Variants in GRID2 observed in about 807,000 individuals in gnomAD.
The protein encoded by GRID2 is glutamate ionotropic receptor delta type subunit 2.
In GRID2, 33 loss-of-function variants were observed where a neutral mutation model predicts 114.8. The observed-to-expected ratio is 0.29, with a 90% CI of 0.22 to 0.38. The LOEUF is 0.38. Among genes scored for constraint, GRID2 ranks in the 10% least tolerant of loss-of-function variants. The pLI, the probability that GRID2 is intolerant of heterozygous loss-of-function variation, is 1.00. For missense variants in GRID2, 1,184 were observed against 1,257.7 expected (o/e 0.94, Z 0.89); for synonymous variants, 505 against 449.9 (o/e 1.12, Z -1.55).
At chr4:93,383,903 G>A (rs902128591) in intron 8 of GRID2, among the ~76,000 whole-genome samples, 1 of 152,224 alleles carries the variant, frequency 6.6e-6, no homozygotes, top group Non-Finnish European at 1.5e-5. Context: ...CATTTTACTG[G>A]AGAAAACTCA....
In GRID2 at chr4:92,939,887, A is replaced by G. The variant is rs1198690887; in HGVS notation, c.245-145108A>G. 1.4e-5 allele frequency among the ~76,000 whole-genome samples: 2 copies of G among 146,544 alleles called. 1 individual carries two copies. Among genetic ancestry groups the G allele is most frequent in the Non-Finnish European group, 3.0e-5 (2 of 66,260 alleles). On this transcript the variant is annotated intron_variant, in intron 2 of 15. Transcript: ENST00000282020. ...GATCAGATAGTTGTAGATATGCAGCATTATTTCTGAGGGCTCTCTTCTGTT... is the reference window on the plus strand; with the variant it reads ...GATCAGATAGTTGTAGATATGCAGCGTTATTTCTGAGGGCTCTCTTCTGTT...
chr4:92,777,260 CAG>C (rs760897689), intron 2 of GRID2, among the ~76,000 whole-genome samples: 1 of 151,948 alleles, frequency 6.6e-6, no homozygotes, highest in African/African-American at 2.4e-5. Flanking sequence ...CCTGTGTAAA[CAG>C]AAATTTTTTA....
In GRID2 at chr4:93,451,516, G is replaced by A. The variant is rs530587014; in HGVS notation, c.1546-4146G>A. On this transcript the variant is annotated intron_variant, in intron 10 of 15. Coordinates refer to ENST00000282020, the MANE Select transcript of GRID2 (RefSeq NM_001510.4). ...AATATGTTGAAGCAGGTTGGGGATA[G>A]CCTACGTAAAGGTGTGTAGACCATG... 2.0e-5 allele frequency among the ~76,000 whole-genome samples: 3 copies of A among 152,212 alleles called. No homozygotes were observed. The South Asian group carries it at 6.2e-4, about 32-fold the overall frequency.
intron 8 of GRID2, among the ~76,000 whole-genome samples, chr4:93,359,142 T>A (rs1414604724): frequency 6.6e-6 from 1 of 152,150 alleles, no homozygotes; most frequent in African/African-American, 2.4e-5. Context: ...TTCATCCCTC[T>A]TTCAAATGTG....
chr4:93,431,841 A>G (rs2149380859), intron 10 of GRID2, among the ~76,000 whole-genome samples: 1 of 152,296 alleles, frequency 6.6e-6, no homozygotes, highest in African/African-American at 2.4e-5. Context: ...GTGAAGGATA[A>G]ATATCCTGGA....
At chr4:92,750,028 A>G (rs1315904336) in intron 2 of GRID2, among the ~76,000 whole-genome samples, 4 of 151,986 alleles carry the variant, frequency 2.6e-5, no homozygotes, top group Non-Finnish European at 5.9e-5. Context: ...AGCCCAGCTA[A>G]TTTGGTATTT....
At chr4:92,374,903 A>T (rs944482685) in intron 1 of GRID2, among the ~76,000 whole-genome samples, 2 of 152,168 alleles carry the variant, frequency 1.3e-5, no homozygotes, top group African/African-American at 4.8e-5. Flanking sequence ...TATCAATCTG[A>T]ATATGTGGAT....
intron 14 of GRID2, among the ~76,000 whole-genome samples, chr4:93,651,040 C>T (rs1305242950): frequency 6.6e-6 from 1 of 152,164 alleles, no homozygotes; most frequent in Non-Finnish European, 1.5e-5. Flanking sequence ...CCACCCTGCA[C>T]AAAATCATTT....
At chr4:92,318,859 G>T (rs541705460) in intron 1 of GRID2, among the ~76,000 whole-genome samples, 1 of 152,186 alleles carries the variant, frequency 6.6e-6, no homozygotes, top group African/African-American at 2.4e-5. Flanking sequence ...CAACAATCCA[G>T]TTGCCTTTCG....
intron 14 of GRID2, among the ~76,000 whole-genome samples, chr4:93,669,249 T>G (rs1183207237): frequency 6.6e-6 from 1 of 152,072 alleles, no homozygotes; most frequent in Non-Finnish European, 1.5e-5. Context: ...AATTTGTGTT[T>G]ATGATGGAAT....
At chr4:93,239,107 T>C (rs1747157886) in intron 8 of GRID2, among the ~76,000 whole-genome samples, 1 of 148,368 alleles carries the variant, frequency 6.7e-6, no homozygotes. Context: ...AATTCGGATT[T>C]GCTATATATA....
intron 2 of GRID2, among the ~76,000 whole-genome samples, chr4:92,683,983 T>G (rs1181225806): frequency 1.3e-5 from 2 of 151,948 alleles, no homozygotes; most frequent in South Asian, 2.1e-4. Context: ...TGTGATTAAC[T>G]TAGCCAAAAA....
chr4:92,410,557 C>A (rs549275293), intron 1 of GRID2, among the ~76,000 whole-genome samples: 2 of 152,128 alleles, frequency 1.3e-5, no homozygotes, highest in East Asian at 3.9e-4. Flanking sequence ...ACTAGAGATA[C>A]AGTTTTCATA....
rs34078987 is a variant in GRID2 at position 93,496,120 on chromosome 4, T to TAAA, written c.1997+5356_1997+5358dup. 1.7e-3 allele frequency among the ~76,000 whole-genome samples: 243 copies of TAAA among 141,798 alleles called. 3 individuals are homozygous for TAAA. Among genetic ancestry groups the TAAA allele is most frequent in the African/African-American group, 5.8e-3 (226 of 38,696 alleles). The allele number at this position is 141,798 out of a possible 152,430, so 93.0% of individuals were successfully genotyped here. The stretch of plus-strand genomic sequence containing the variant: ...TTTGAATGCATTTTTTTCCTGATTG[T>TAAA]AAAAAAAAAAAAAAACAGGCTGTTT... On this transcript the variant is annotated intron_variant, in intron 12 of 15. Coordinates refer to ENST00000282020, the MANE Select transcript of GRID2 (RefSeq NM_001510.4).
intron 14 of GRID2, among the ~76,000 whole-genome samples, chr4:93,699,950 A>G (rs183098438): frequency 3.0e-4 from 46 of 152,256 alleles, no homozygotes; most frequent in African/African-American, 1.1e-3. Context: ...CTGAAATTCA[A>G]TGACTTCTGA....
intron 4 of GRID2, 144 bp downstream of exon 4, chr4:93,111,097 G>T: frequency 1.6e-6 from 1 of 622,794 alleles, no homozygotes. Context: ...GTAGCATAGT[G>T]AATGCCTCAC....
chr4:92,885,277 A>G (rs1019728588), intron 2 of GRID2, among the ~76,000 whole-genome samples: 10 of 152,116 alleles, frequency 6.6e-5, no homozygotes, highest in African/African-American at 1.7e-4. Context: ...TGTAGGTTTG[A>G]TCTTCCTTTG....
intron 8 of GRID2, among the ~76,000 whole-genome samples, chr4:93,278,369 G>A (rs2149581237): frequency 6.6e-6 from 1 of 152,052 alleles, no homozygotes; most frequent in Admixed American, 6.6e-5. Context: ...AAAGACTGAA[G>A]TAGTGGTATG....
At chr4:92,548,971 C>T (rs1363199817) in intron 1 of GRID2, among the ~76,000 whole-genome samples, 2 of 151,990 alleles carry the variant, frequency 1.3e-5, no homozygotes, top group Non-Finnish European at 2.9e-5. Flanking sequence ...CAAATCACCT[C>T]CCACCAGGAC....
Sources: gnomAD v4.1 joint callset for allele counts (sites outside exome capture counted in the v4.1 genomes callset) on GRCh38, gnomAD v4.1.1 for gene constraint, MANE v1.5 for transcripts, NCBI Gene and HGNC (gene_info 2026-07-23, HGNC 2026-07-21) for gene names.